IMPG2: variants seen among roughly 807,000 people sequenced by gnomAD.
IMPG2 encodes interphotoreceptor matrix proteoglycan 2.
A neutral mutation model predicts 129.2 loss-of-function variants in IMPG2; 91 were observed. The ratio of observed to expected loss-of-function variants is 0.70; its 90% CI spans 0.59 to 0.84. The LOEUF is 0.84. IMPG2 is among the 40% of genes least tolerant of loss of function. The probability of loss-of-function intolerance (pLI) is 0.00; values close to 1 mark genes in which losing one functional copy is unlikely to be tolerated. For synonymous variants in IMPG2, 510 were observed against 517.7 expected (o/e 0.99, Z 0.20); for missense variants, 1,430 against 1,461.7 (o/e 0.98, Z 0.35).
intron 10 of IMPG2, among the ~76,000 whole-genome samples, chr3:101,256,145 A>AAAGGAAAG (rs1553682271): frequency 3.9e-5 from 3 of 77,572 alleles, no homozygotes; most frequent in African/African-American, 1.0e-4. Context: ...AGAAAGAAAG[A>AAAGGAAAG]AAAGAAAGAA....
chr3:101,248,227 C>T (rs755855230), intron 11 of IMPG2, among the ~76,000 whole-genome samples: 4 of 152,130 alleles, frequency 2.6e-5, no homozygotes, highest in South Asian at 2.1e-4. Context: ...CAGGTCTTTC[C>T]GTTGCTGTTC....
At chr3:101,300,237 T>A (rs1195819205) in intron 3 of IMPG2, among the ~76,000 whole-genome samples, 2 of 152,218 alleles carry the variant, frequency 1.3e-5, no homozygotes, top group Non-Finnish European at 2.9e-5. Context: ...GAGCAAGCCG[T>A]CCAGCCTCCC....
intron 2 of IMPG2, among the ~76,000 whole-genome samples, chr3:101,305,119 GA>G (rs1404520672): frequency 4.6e-5 from 7 of 152,068 alleles, no homozygotes; most frequent in Admixed American, 4.6e-4. Context: ...TAGGTGAAAG[GA>G]TGAACAAACT....
intron 2 of IMPG2, among the ~76,000 whole-genome samples, chr3:101,306,468 G>A (rs1001297929): frequency 2.6e-5 from 4 of 152,074 alleles, no homozygotes; most frequent in East Asian, 1.9e-4. Context: ...AGCATACAGC[G>A]GGCACTGACT....
In IMPG2 at chr3:101,226,669, A is replaced by C. The variant is rs111515750; in HGVS notation, c.*300T>G. 6.0e-5 allele frequency: 21 copies of C among 347,580 alleles called. 1 individual carries two copies. Among genetic ancestry groups the C allele is most frequent in the African/African-American group, 4.2e-4 (20 of 47,202 alleles). The allele number at this position is 347,580 out of a possible 1,614,324, so 21.5% of individuals were successfully genotyped here. A position where few individuals can be genotyped will look rare whatever the true frequency, so the allele number is the denominator to read the frequency against. On this transcript the variant is annotated 3_prime_UTR_variant, in exon 19 of 19. Transcript: ENST00000193391. ...CACCCCCAGTGATTCAGAAGCAGAC[A>C]GCAACTGCAGCCCTAAATCCTAGGT...
rs1255186183 is a variant in IMPG2, at chr3:101,244,313, G to A, written c.2018C>T (p.Ser673Phe). 4.3e-6 allele frequency: 7 copies of A among 1,613,888 alleles called. No individual in the cohort carries two copies. The African/African-American group carries it at 8.0e-5, about 18-fold the overall frequency. The change falls in exon 13 of 19, where the codon TCC becomes TTC. Residue 673 changes from serine (S) to phenylalanine (F), a missense_variant. By Grantham distance (155) the Ser-to-Phe change is radical. Transcript: ENST00000193391. Reference protein sequence around the residue: ...KHSKYEHDDRSTHFPEEEPLS... With the variant: ...KHSKYEHDDRFTHFPEEEPLS... ...AGGCTCTTCCTCTGGAAAGTGTGTG[G>A]ATCTGTCATCATGTTCATATTTTGA...
At chr3:101,305,114 G>T (rs1202891833) in intron 2 of IMPG2, among the ~76,000 whole-genome samples, 1 of 152,138 alleles carries the variant, frequency 6.6e-6, no homozygotes, top group Non-Finnish European at 1.5e-5. Flanking sequence ...TTCAATAGGT[G>T]AAAGGATGAA....
At chr3:101,318,446 T>G (rs1164983003) in intron 2 of IMPG2, among the ~76,000 whole-genome samples, 1 of 152,012 alleles carries the variant, frequency 6.6e-6, no homozygotes, top group African/African-American at 2.4e-5. Flanking sequence ...GCTGCCAATA[T>G]ACATTGTACT....
chr3:101,233,661 G>T (rs1182402425), intron 14 of IMPG2, among the ~76,000 whole-genome samples: 1 of 152,100 alleles, frequency 6.6e-6, no homozygotes, highest in Non-Finnish European at 1.5e-5. Flanking sequence ...AATGAATTAG[G>T]ATAGTAATCA....
In IMPG2 at chr3:101,269,491, G is replaced by A. The variant is rs1212476520; in HGVS notation, c.887+24C>T. The A allele has an allele frequency of 2.3e-6, 3 of 1,319,092 alleles. No homozygotes were observed. The African/African-American group carries it at 4.3e-5, about 19-fold the overall frequency. 81.7% of individuals were successfully genotyped at this position (1,319,092 alleles called of 1,614,324 possible). On this transcript the variant is annotated intron_variant, in intron 8 of 18. Coordinates refer to ENST00000193391, the MANE Select transcript of IMPG2 (RefSeq NM_016247.4). Reference sequence around the variant, plus strand: ...GAATAAAGAATACTACTGAAAATGTGCATATTTAGATAAGTCTATTTACCT... The same window carrying A: ...GAATAAAGAATACTACTGAAAATGTACATATTTAGATAAGTCTATTTACCT...
At chr3:101,291,110 G>A (rs1297353978) in intron 4 of IMPG2, among the ~76,000 whole-genome samples, 1 of 152,128 alleles carries the variant, frequency 6.6e-6, no homozygotes, top group East Asian at 1.9e-4. Flanking sequence ...TTGATCCATA[G>A]CACCACCCAT....
At chr3:101,287,237 C>A (rs1334733130) in intron 4 of IMPG2, among the ~76,000 whole-genome samples, 2 of 152,024 alleles carry the variant, frequency 1.3e-5, no homozygotes, top group Non-Finnish European at 2.9e-5. Context: ...ACCTTGGCCA[C>A]ACCCAAAGCT....
chr3:101,269,602 CTATGTAAAAA>C (rs1189265961), intron 7 of IMPG2, 29 bp from the exon 8 acceptor site: 16 of 1,344,176 alleles, frequency 1.2e-5, no homozygotes, highest in African/African-American at 1.0e-4. Flanking sequence ...AAAATGATAA[CTATGTAAAAA>C]TATGGAAAAA....
intron 2 of IMPG2, among the ~76,000 whole-genome samples, chr3:101,305,466 A>G (rs946213211): frequency 2.6e-5 from 4 of 152,160 alleles, no homozygotes; most frequent in Non-Finnish European, 5.9e-5. Context: ...AGTGAACCCT[A>G]ATGTTAACTA....
chr3:101,255,504 T>C (rs535177705), intron 10 of IMPG2, among the ~76,000 whole-genome samples: 8 of 152,258 alleles, frequency 5.3e-5, no homozygotes, highest in Non-Finnish European at 1.0e-4. Context: ...ATTGTAGACC[T>C]TAATCTTCAC....
At chr3:101,309,950 A>G (rs767448373) in intron 2 of IMPG2, among the ~76,000 whole-genome samples, 11 of 152,242 alleles carry the variant, frequency 7.2e-5, no homozygotes, top group African/African-American at 1.2e-4. Flanking sequence ...CTATTTATAT[A>G]AAGTCCTAGG....
At chr3:101,276,158 T>G (rs1457696711) in intron 5 of IMPG2, among the ~76,000 whole-genome samples, 1 of 152,224 alleles carries the variant, frequency 6.6e-6, no homozygotes, top group Non-Finnish European at 1.5e-5. Flanking sequence ...ATTCTATTTT[T>G]GTAGATGTTT....
At chr3:101,259,648 T>C (rs1479226445) in intron 9 of IMPG2, among the ~76,000 whole-genome samples, 3 of 151,698 alleles carry the variant, frequency 2.0e-5, no homozygotes, top group Admixed American at 6.6e-5. Context: ...TAAAGGAAAG[T>C]ATCAACATAA....
intron 9 of IMPG2, 105 bp downstream of exon 9, chr3:101,267,406 G>A: frequency 1.1e-6 from 1 of 948,458 alleles, no homozygotes; most frequent in Non-Finnish European, 1.7e-6. Context: ...AGTGATATTG[G>A]AAGTGATATA....
Sources: allele counts gnomAD v4.1 joint callset (sites outside exome capture counted in the v4.1 genomes callset), GRCh38; gene constraint gnomAD v4.1.1; transcripts MANE v1.5; gene names NCBI Gene and HGNC (gene_info 2026-07-23, HGNC 2026-07-21).